Variants in NRXN1 observed in about 807,000 individuals in gnomAD.
NRXN1 encodes neurexin-1.
NRXN1 carries 39 observed loss-of-function variants against 150.9 expected under a neutral mutation model. The observed-to-expected ratio is 0.26, with a 90% CI of 0.20 to 0.34. NRXN1 has a LOEUF of 0.34. Among genes scored for constraint, NRXN1 ranks in the 10% least tolerant of loss-of-function variants. The pLI, the probability that NRXN1 is intolerant of heterozygous loss-of-function variation, is 1.00. For missense variants in NRXN1, 1,815 were observed against 1,949.9 expected (o/e 0.93, Z 1.30); for synonymous variants, 924 against 757.0 (o/e 1.22, Z -3.62).
chr2:50,104,140 GT>G (rs1250152020), intron 18 of NRXN1, among the ~76,000 whole-genome samples: 2 of 151,970 alleles, frequency 1.3e-5, no homozygotes, highest in African/African-American at 4.8e-5. Flanking sequence ...AAACTCATTA[GT>G]GGTCATCTAC....
chr2:50,242,612 C>T (rs2066119134), intron 17 of NRXN1, among the ~76,000 whole-genome samples: 1 of 151,564 alleles, frequency 6.6e-6, no homozygotes, highest in Non-Finnish European at 1.5e-5. Context: ...AATATGTAAC[C>T]ACTTCTAGAT....
At chr2:50,937,764 T>C (rs1688765759) in intron 2 of NRXN1, among the ~76,000 whole-genome samples, 1 of 152,166 alleles carries the variant, frequency 6.6e-6, no homozygotes, top group Admixed American at 6.6e-5. Flanking sequence ...ATGGCCATGA[T>C]TAGTTGAGAG....
At chr2:50,117,990 A>C (rs1406254332) in intron 18 of NRXN1, among the ~76,000 whole-genome samples, 14 of 152,164 alleles carry the variant, frequency 9.2e-5, no homozygotes, top group Non-Finnish European at 1.5e-5. Flanking sequence ...AATAAATTAA[A>C]TAAAGACCTA....
At chr2:50,939,804 T>C (rs890022923) in intron 2 of NRXN1, among the ~76,000 whole-genome samples, 1 of 152,206 alleles carries the variant, frequency 6.6e-6, no homozygotes, top group East Asian at 1.9e-4. Context: ...GATACTAATC[T>C]GGTAAACATG....
At chr2:51,012,792 C>T (rs527584208) in intron 2 of NRXN1, among the ~76,000 whole-genome samples, 1 of 151,994 alleles carries the variant, frequency 6.6e-6, no homozygotes, top group Non-Finnish European at 1.5e-5. Context: ...TCCTGGGAAA[C>T]CAAAAACATG....
In NRXN1 at chr2:50,204,766, C is replaced by T. The variant is rs1365212980; in HGVS notation, c.3546+32023G>A. 2.0e-5 allele frequency among the ~76,000 whole-genome samples: 3 copies of T among 152,002 alleles called. No individual in the cohort carries two copies. The East Asian group carries it at 5.8e-4, about 30-fold the overall frequency. ...AAGAGTGGGTGAGAAATTAGACACA[C>T]TCAGGAGCCAAAAATAACCAAATGG... is the stretch of plus-strand genomic sequence containing the variant. On this transcript the variant is annotated intron_variant, in intron 18 of 22. Coordinates refer to ENST00000401669, the MANE Select transcript of NRXN1 (RefSeq NM_001330078.2).
intron 5 of NRXN1, among the ~76,000 whole-genome samples, chr2:50,770,966 G>A (rs1702945023): frequency 2.6e-5 from 4 of 152,106 alleles, no homozygotes; most frequent in African/African-American, 4.8e-5. Flanking sequence ...TTCAAGGAAT[G>A]TATCTTAATT....
intron 17 of NRXN1, among the ~76,000 whole-genome samples, chr2:50,375,585 C>G (rs1572732489): frequency 6.7e-6 from 1 of 149,540 alleles, no homozygotes; most frequent in South Asian, 2.1e-4. Flanking sequence ...AATTAGGAAA[C>G]AGAATAATCT....
intron 5 of NRXN1, among the ~76,000 whole-genome samples, chr2:50,706,254 C>T (rs1469097161): frequency 6.6e-6 from 1 of 152,182 alleles, no homozygotes; most frequent in African/African-American, 2.4e-5. Flanking sequence ...AAACAGTCTA[C>T]TAACTCCAGG....
chr2:49,938,150 A>G (rs1328560728), intron 22 of NRXN1, among the ~76,000 whole-genome samples: 1 of 152,216 alleles, frequency 6.6e-6, no homozygotes, highest in Non-Finnish European at 1.5e-5. Flanking sequence ...TGAATTTTAG[A>G]GGAAAAACCT....
At chr2:50,857,537 A>C (rs1476939748) in intron 5 of NRXN1, among the ~76,000 whole-genome samples, 1 of 152,128 alleles carries the variant, frequency 6.6e-6, no homozygotes, top group Non-Finnish European at 1.5e-5. Flanking sequence ...AAAATGAAGA[A>C]GCAGTTAACA....
chr2:50,275,960 A>T (rs185007999), intron 17 of NRXN1, among the ~76,000 whole-genome samples: 1,962 of 147,096 alleles, frequency 0.013, 26 homozygotes, highest in Non-Finnish European at 0.021. Context: ...GATAATAATT[A>T]TCATATTATT....
rs972822424 is a variant in NRXN1, at chr2:50,964,112, C to G, written c.773-38157G>C. 3 of 293,088 alleles carry G rather than the reference C, an allele frequency of 1.0e-5. No individual in the cohort carries two copies. In the Admixed American group the frequency reaches 1.2e-4, roughly 12 times the overall value. The allele number at this position is 293,088 out of a possible 1,614,324, so 18.2% of individuals were successfully genotyped here. A position where few individuals can be genotyped will look rare whatever the true frequency, so the allele number is the denominator to read the frequency against. ...GTGTATGTTATTTCGACAACGATTA[C>G]AAAATCTTTGTCATCTCAACTATTG... On this transcript the variant is annotated intron_variant, in intron 2 of 22. Transcript: ENST00000401669.
chr2:50,865,865 G>A (rs1451264512), intron 5 of NRXN1, among the ~76,000 whole-genome samples: 5 of 150,910 alleles, frequency 3.3e-5, no homozygotes, highest in Admixed American at 2.0e-4. Flanking sequence ...AAAACAATCT[G>A]AGAAGGGGAT....
At chr2:49,952,254 ATAAACT>A in intron 21 of NRXN1, among the ~76,000 whole-genome samples, 1 of 152,050 alleles carries the variant, frequency 6.6e-6, no homozygotes. Flanking sequence ...ACATGATAAG[ATAAACT>A]TAAAATAAGT....
intron 18 of NRXN1, among the ~76,000 whole-genome samples, chr2:50,208,000 A>G (rs188296322): frequency 3.3e-5 from 5 of 152,136 alleles, no homozygotes; most frequent in Admixed American, 3.3e-4. Context: ...AGAAGAGGAG[A>G]AAAAGGCAAA....
chr2:50,943,081 C>T (rs1689738399), intron 2 of NRXN1, among the ~76,000 whole-genome samples: 2 of 152,008 alleles, frequency 1.3e-5, no homozygotes, highest in African/African-American at 4.8e-5. Context: ...AAGTATGTGG[C>T]TCTTCTCCTT....
chr2:50,373,559 T>C (rs28621568), intron 17 of NRXN1, among the ~76,000 whole-genome samples: 40,092 of 147,006 alleles, frequency 0.27, 6,894 homozygotes, highest in African/African-American at 0.48. Context: ...TTTAATTCAA[T>C]TTTTATAGAG....
chr2:50,867,018 C>T (rs1293533339), intron 5 of NRXN1, among the ~76,000 whole-genome samples: 1 of 151,856 alleles, frequency 6.6e-6, no homozygotes, highest in African/African-American at 2.4e-5. Flanking sequence ...AAACTACCTT[C>T]TCAATTTTTC....
Sources: allele counts gnomAD v4.1 joint callset (sites outside exome capture counted in the v4.1 genomes callset), GRCh38; gene constraint gnomAD v4.1.1; transcripts MANE v1.5; gene names NCBI Gene and HGNC (gene_info 2026-07-23, HGNC 2026-07-21).